Variants in RBPJ observed in about 807,000 individuals in gnomAD.
RBPJ encodes recombining binding protein suppressor of hairless.
In RBPJ, 9 loss-of-function variants were observed where a neutral mutation model predicts 67.8. The ratio of observed to expected loss-of-function variants is 0.13; its 90% CI spans 0.08 to 0.23. The LOEUF is 0.23. RBPJ is among the 10% of genes least tolerant of loss of function. The pLI is 1.00. For synonymous variants in RBPJ, 198 were observed against 203.3 expected (o/e 0.97, Z 0.22); for missense variants, 305 against 595.6 (o/e 0.51, Z 5.08).
intron 2 of RBPJ, among the ~76,000 whole-genome samples, chr4:26,392,641 T>C (rs904316286): frequency 2.0e-5 from 3 of 152,136 alleles, no homozygotes; most frequent in Admixed American, 6.5e-5. Flanking sequence ...AAAAACTAGA[T>C]CAGTGGTTTC....
At chr4:26,231,429 T>A (rs1250908579) in intron 1 of RBPJ, among the ~76,000 whole-genome samples, 1 of 149,306 alleles carries the variant, frequency 6.7e-6, no homozygotes, top group African/African-American at 2.4e-5. Flanking sequence ...TTTTTTTTTT[T>A]AGACAGAGTT....
intron 1 of RBPJ, among the ~76,000 whole-genome samples, chr4:26,241,492 CT>C (rs979830129): frequency 3.4e-4 from 51 of 151,758 alleles, no homozygotes; most frequent in Non-Finnish European, 6.6e-4. Flanking sequence ...CTTCTTTTCA[CT>C]TTTTTTTCTT....
the RBPJ span, among the ~76,000 whole-genome samples, chr4:26,157,097 AC>A: frequency 0.5 from 41,745 of 83,042 alleles, 7,084 homozygotes; most frequent in East Asian, 0.64. Context: ...AAACAAACAA[AC>A]AAAAACAAAC....
At chr4:26,139,580 C>T in the RBPJ span, among the ~76,000 whole-genome samples, 21 of 152,250 alleles carry the variant, frequency 1.4e-4, no homozygotes, top group Admixed American at 1.0e-3. Flanking sequence ...GAGCCTTACC[C>T]AGGAGCACTC....
At chr4:26,345,520 C>A (rs1023510263) in intron 1 of RBPJ, among the ~76,000 whole-genome samples, 2 of 152,212 alleles carry the variant, frequency 1.3e-5, no homozygotes, top group Non-Finnish European at 2.9e-5. Flanking sequence ...TGAAAGATCA[C>A]ACCTGGTAAC....
intron 1 of RBPJ, among the ~76,000 whole-genome samples, chr4:26,342,321 G>A (rs1725627085): frequency 6.6e-6 from 1 of 150,738 alleles, no homozygotes; most frequent in Admixed American, 6.6e-5. Flanking sequence ...GTCTCTAGTT[G>A]CATTAGACCT....
At chr4:26,394,759 C>G (rs1198179635) in intron 2 of RBPJ, among the ~76,000 whole-genome samples, 1 of 152,104 alleles carries the variant, frequency 6.6e-6, no homozygotes, top group African/African-American at 2.4e-5. Flanking sequence ...TGCTGTTAAC[C>G]AAAAGGTAAG....
rs182664422 is a variant in RBPJ, at chr4:26,357,621, T to A, written c.21-28732T>A. 2.7e-3 allele frequency among the ~76,000 whole-genome samples: 411 copies of A among 152,304 alleles called. 1 individual carries two copies. Among genetic ancestry groups the A allele is most frequent in the Non-Finnish European group, 3.0e-3 (201 of 68,016 alleles). ...TTTAAACAATTTTAAATTGTACAGT[T>A]TAGTGGTAGTAAGTACATTCACGGT... On this transcript the variant is annotated intron_variant, in intron 1 of 10. Transcript: ENST00000355476.
Position 26,263,805 on chromosome 4 carries a change from C to T in RBPJ, c.-166-98641C>T, listed in dbSNP as rs558274957. Among the ~76,000 whole-genome samples, 15 of 151,634 alleles carry T rather than the reference C, an allele frequency of 9.9e-5. No individual in the cohort carries two copies. In the East Asian group the frequency reaches 2.3e-3, roughly 24 times the overall value. On this transcript the variant is annotated intron_variant, in intron 1 of 4. Coordinates refer to the RBPJ transcript ENST00000512351. ...CGGGCTGGTCTCGAACTCCTGACCT[C>T]GTGATCTGCCCACCTCAGTCTCCCA...
intron 1 of RBPJ, among the ~76,000 whole-genome samples, chr4:26,372,304 G>A (rs1481528278): frequency 2.0e-5 from 3 of 152,222 alleles, no homozygotes; most frequent in African/African-American, 7.2e-5. Context: ...GCTGTAGACA[G>A]TAGAGACACC....
chr4:26,227,761 T>G (rs770974434), intron 1 of RBPJ, among the ~76,000 whole-genome samples: 1 of 152,244 alleles, frequency 6.6e-6, no homozygotes, highest in Non-Finnish European at 1.5e-5. Context: ...CAGACTTTGC[T>G]TGAGTCGCGG....
chr4:26,306,353 G>C (rs1292224159), intron 1 of RBPJ, among the ~76,000 whole-genome samples: 1 of 151,822 alleles, frequency 6.6e-6, no homozygotes, highest in East Asian at 1.9e-4. Flanking sequence ...CTAGTTTGTC[G>C]AGCGTTTGCC....
chr4:26,203,215 A>G (rs568105315), intron 1 of RBPJ, among the ~76,000 whole-genome samples: 38 of 152,294 alleles, frequency 2.5e-4, no homozygotes, highest in African/African-American at 8.9e-4. Flanking sequence ...TCTATGCTCA[A>G]AATTACCTAA....
In RBPJ at chr4:26,415,619, G is replaced by A; in HGVS notation, c.300G>A (p.Gln100=). The A allele has an allele frequency of 6.2e-7, 1 of 1,609,530 alleles. No homozygotes were observed. The highest frequency in any genetic ancestry group is 8.5e-7 in the Non-Finnish European group (1 of 1,178,556). ...IGIGNSDQEM[Q]QLNLEGKNYC... ...TAGGAAATAGTGACCAAGAAATGCA[G>A]CAGCTAAACTTGGAAGGAAAGGTAA... Residue 100 remains glutamine (Q), a synonymous_variant, in exon 4 of 11, where the codon CAG becomes CAA. Coordinates refer to ENST00000355476, the MANE Select transcript of RBPJ (RefSeq NM_015874.6).
the RBPJ span, among the ~76,000 whole-genome samples, chr4:26,130,351 A>G: frequency 2.0e-5 from 3 of 152,192 alleles, no homozygotes; most frequent in African/African-American, 7.2e-5. Context: ...CACTATGAGT[A>G]ATTAAGGACA....
intron 1 of RBPJ, among the ~76,000 whole-genome samples, chr4:26,173,138 C>G (rs10000787): frequency 0.023 from 3,432 of 152,072 alleles, 60 homozygotes; most frequent in Non-Finnish European, 0.033. Context: ...TTTTTTCTTT[C>G]TTTTTTTCTT....
At chr4:26,229,679 T>G (rs1278004406) in intron 1 of RBPJ, among the ~76,000 whole-genome samples, 2 of 152,202 alleles carry the variant, frequency 1.3e-5, no homozygotes, top group East Asian at 3.9e-4. Flanking sequence ...TCATCTAAGC[T>G]TCAATTTCTC....
chr4:26,182,775 C>T (rs1338359556), intron 1 of RBPJ, among the ~76,000 whole-genome samples: 2 of 152,044 alleles, frequency 1.3e-5, no homozygotes, highest in South Asian at 4.1e-4. Flanking sequence ...CTGCGATTAC[C>T]GGTGTGAGCC....
At chr4:26,319,563 C>T, upstream of RBPJ, 1 of 484,192 alleles carries the variant, frequency 2.1e-6, no homozygotes. Context: ...CCTGTCCTGC[C>T]TTGGCTCCGC....
Sources: allele counts gnomAD v4.1 joint callset (sites outside exome capture counted in the v4.1 genomes callset), GRCh38; gene constraint gnomAD v4.1.1; transcripts MANE v1.5; gene names NCBI Gene and HGNC (gene_info 2026-07-23, HGNC 2026-07-21).